Variants in TG observed in about 807,000 individuals in gnomAD.
The protein encoded by TG is thyroglobulin.
A neutral mutation model predicts 324.7 loss-of-function variants in TG; 270 were observed. The observed-to-expected ratio is 0.83, with a 90% CI of 0.75 to 0.92. TG has a LOEUF of 0.92. Among genes scored for constraint, TG ranks in the 40% least tolerant of loss-of-function variants. The pLI is 0.00. For synonymous variants in TG, 1,401 were observed against 1,327.0 expected, an observed-to-expected ratio of 1.06 and a Z score of -1.21; for missense variants, 3,591 against 3,456.4, an observed-to-expected ratio of 1.04 and a Z score of -0.98.
At chr8:132,961,612 C>G (rs1827772387) in intron 28 of TG, among the ~76,000 whole-genome samples, 1 of 152,128 alleles carries the variant, frequency 6.6e-6, no homozygotes, top group Non-Finnish European at 1.5e-5. Flanking sequence ...GAATGTTGAC[C>G]AAGTGCCTAC....
chr8:133,093,139 CTTTTTTT>C (rs752795832), intron 41 of TG, among the ~76,000 whole-genome samples: 25 of 146,360 alleles, frequency 1.7e-4, no homozygotes, highest in African/African-American at 6.4e-4. Flanking sequence ...CTTTTCTTTT[CTTTTTTT>C]TTTTTAATTT....
chr8:132,908,664 A>G (rs1587358548), intron 18 of TG, among the ~76,000 whole-genome samples: 1 of 152,328 alleles, frequency 6.6e-6, no homozygotes, highest in East Asian at 1.9e-4. Context: ...CAGAGTCTTC[A>G]GGATGCAGCA....
intron 22 of TG, among the ~76,000 whole-genome samples, chr8:132,924,498 TC>T (rs1458876860): frequency 6.6e-6 from 1 of 152,190 alleles, no homozygotes; most frequent in Non-Finnish European, 1.5e-5. Flanking sequence ...TCAGTCTATT[TC>T]CTGAGAATCA....
chr8:133,054,755 C>A (rs111395602), intron 41 of TG, among the ~76,000 whole-genome samples: 2 of 152,088 alleles, frequency 1.3e-5, no homozygotes, highest in Admixed American at 6.6e-5. Flanking sequence ...AAGAATGAGT[C>A]AAGTTGAACA....
At chr8:133,103,664 A>C (rs2131706581) in intron 43 of TG, among the ~76,000 whole-genome samples, 1 of 152,356 alleles carries the variant, frequency 6.6e-6, no homozygotes, top group South Asian at 2.1e-4. Flanking sequence ...CTAAAAGTGC[A>C]GTGAGCCCTT....
chr8:132,986,000 A>G (rs962003815), intron 35 of TG, among the ~76,000 whole-genome samples: 7 of 152,174 alleles, frequency 4.6e-5, no homozygotes, highest in Non-Finnish European at 7.3e-5. Context: ...AAACAATACT[A>G]TAGTATTTTT....
intron 41 of TG, chr8:133,038,747 A>T: frequency 1.2e-6 from 2 of 1,602,972 alleles, no homozygotes; most frequent in Non-Finnish European, 1.7e-6. Flanking sequence ...TCTGTGGGCC[A>T]GAAGAAAAGG....
intron 31 of TG, among the ~76,000 whole-genome samples, chr8:132,969,145 G>A (rs1159210060): frequency 6.6e-6 from 1 of 152,116 alleles, no homozygotes; most frequent in Non-Finnish European, 1.5e-5. Context: ...AGGGCAGATG[G>A]CGTTGCTTCT....
At chr8:133,105,250 C>T (rs1849701410) in intron 43 of TG, among the ~76,000 whole-genome samples, 1 of 152,150 alleles carries the variant, frequency 6.6e-6, no homozygotes, top group South Asian at 2.1e-4. Context: ...GTGTACAAAC[C>T]ATTCCTCCCC....
intron 45 of TG, among the ~76,000 whole-genome samples, chr8:133,124,770 C>T (rs773218785): frequency 6.6e-6 from 1 of 152,198 alleles, no homozygotes; most frequent in Non-Finnish European, 1.5e-5. Flanking sequence ...TGTCCCAACC[C>T]TGGAAAACAA....
chr8:132,953,981 GA>G (rs1458775783), intron 27 of TG, among the ~76,000 whole-genome samples: 1 of 145,806 alleles, frequency 6.9e-6, no homozygotes, highest in African/African-American at 2.7e-5. Context: ...ATGCCACACA[GA>G]TGTAAAATTT....
At chr8:132,948,180 C>T (rs1785885241) in intron 26 of TG, among the ~76,000 whole-genome samples, 2 of 33,896 alleles carry the variant, frequency 5.9e-5, no homozygotes, top group Non-Finnish European at 1.9e-4. Flanking sequence ...CTTACTCCGT[C>T]CCCCCCCAAA....
intron 41 of TG, chr8:133,039,855 C>T (rs188154149): frequency 1.2e-4 from 163 of 1,402,984 alleles, no homozygotes; most frequent in Admixed American, 3.9e-4. Context: ...GGGGTGCTCA[C>T]CCCCCAGTTT....
At chr8:132,987,201 A>G (rs940553072) in intron 35 of TG, among the ~76,000 whole-genome samples, 1 of 152,224 alleles carries the variant, frequency 6.6e-6, no homozygotes, top group Non-Finnish European at 1.5e-5. Flanking sequence ...TTAAAAGCAT[A>G]GAAATGTCAG....
chr8:132,893,940 TGCCCTTCA>T lies in TG; in HGVS notation c.3001+14_3001+21del. The T allele has an allele frequency of 6.2e-7, 1 of 1,614,032 alleles. No homozygotes were observed. The highest frequency in any genetic ancestry group is 8.5e-7 in the Non-Finnish European group (1 of 1,179,934). ...TGGCGGCTCAGTCTAGTGAGTGTGG[TGCCCTTCA>T]GCTTTCTTACTGCATCGCTTTGGAA... is the stretch of plus-strand genomic sequence containing the variant. On this transcript the variant is annotated intron_variant, in intron 11 of 47. Transcript: ENST00000220616.
intron 43 of TG, among the ~76,000 whole-genome samples, chr8:133,110,126 A>G (rs1850140755): frequency 6.6e-6 from 1 of 152,136 alleles, no homozygotes; most frequent in Admixed American, 6.5e-5. Flanking sequence ...GCCTGGGGAG[A>G]ACCCACTTTA....
intron 41 of TG, chr8:133,044,846 A>G: frequency 1.2e-6 from 1 of 810,714 alleles, no homozygotes; most frequent in East Asian, 2.5e-5. Context: ...TTACAGTCTG[A>G]ATTAACGAGA....
chr8:133,041,117 C>T (rs1587842845), intron 41 of TG, among the ~76,000 whole-genome samples: 1 of 152,328 alleles, frequency 6.6e-6, no homozygotes, highest in Non-Finnish European at 1.5e-5. Context: ...AGGCTGAAAA[C>T]CCCAGTGCTT....
intron 40 of TG, among the ~76,000 whole-genome samples, chr8:133,025,585 A>C (rs1487258685): frequency 6.6e-6 from 1 of 151,984 alleles, no homozygotes; most frequent in Non-Finnish European, 1.5e-5. Context: ...GATTTACTGA[A>C]GTCCACAGTT....
Sources: gnomAD v4.1 joint callset for allele counts (sites outside exome capture counted in the v4.1 genomes callset) on GRCh38, gnomAD v4.1.1 for gene constraint, MANE v1.5 for transcripts, NCBI Gene and HGNC (gene_info 2026-07-23, HGNC 2026-07-21) for gene names.